RBFOX1: variants seen among roughly 807,000 people sequenced by gnomAD.
RBFOX1 encodes the protein RNA binding protein fox-1 homolog 1.
RBFOX1 carries 8 observed loss-of-function variants against 57.7 expected under a neutral mutation model. The observed-to-expected ratio is 0.14, with a 90% CI of 0.08 to 0.25. The LOEUF is 0.25. Among genes scored for constraint, RBFOX1 ranks in the 10% least tolerant of loss-of-function variants. The probability of loss-of-function intolerance (pLI) is 1.00; values close to 1 mark genes in which losing one functional copy is unlikely to be tolerated. For missense variants in RBFOX1, 611 were observed against 548.5 expected (o/e 1.11, Z -1.14); for synonymous variants, 326 against 222.4 (o/e 1.47, Z -4.15).
chr16:5,554,038 C>A (rs1449765800), intron 2 of RBFOX1, among the ~76,000 whole-genome samples: 2 of 150,332 alleles, frequency 1.3e-5, no homozygotes, highest in African/African-American at 4.9e-5. Flanking sequence ...GGCGTGATCT[C>A]AGCTCACTGC....
intron 1 of RBFOX1, among the ~76,000 whole-genome samples, chr16:5,263,966 T>C (rs1285803138): frequency 1.3e-5 from 2 of 152,178 alleles, no homozygotes; most frequent in African/African-American, 2.4e-5. Flanking sequence ...TCAGCAGCCC[T>C]TGGGCAGTTG....
chr16:6,053,788 T>C (rs2095581585), intron 1 of RBFOX1, among the ~76,000 whole-genome samples: 1 of 152,186 alleles, frequency 6.6e-6, no homozygotes, highest in Non-Finnish European at 1.5e-5. Flanking sequence ...CACAGTGGCC[T>C]GCCCCATACC....
Position 7,665,022 on chromosome 16 carries a change from T to C in RBFOX1, c.930+54T>C. The C allele has an allele frequency of 2.5e-6, 4 of 1,613,802 alleles. No individual in the cohort carries two copies. In the South Asian group the frequency reaches 4.4e-5, roughly 18 times the overall value. ...CCCGTTTCCTCCTGGAGTCATTCTT[T>C]TTACAAGTTTGCTGTGAATTTCTCT... On this transcript the variant is annotated intron_variant, in intron 13 of 15. Transcript: ENST00000550418.
chr16:5,532,243 T>C lies in RBFOX1; in HGVS notation c.258+64989T>C, dbSNP rs555154947. Among the ~76,000 whole-genome samples, 110 of 152,340 alleles carry C rather than the reference T, an allele frequency of 7.2e-4. 1 individual carries two copies. Among genetic ancestry groups the C allele is most frequent in the African/African-American group, 2.6e-3 (108 of 41,584 alleles). On this transcript the variant is annotated intron_variant, in intron 2 of 2. Transcript: ENST00000585867. ...GCACCCAGGGCCTCTATCCATTATC[T>C]TCCAGTAACAGCCTCTTCCTCTAGT... is the stretch of plus-strand genomic sequence containing the variant.
intron 3 of RBFOX1, among the ~76,000 whole-genome samples, chr16:5,739,683 C>G (rs1209224456): frequency 6.6e-6 from 1 of 152,182 alleles, no homozygotes; most frequent in Non-Finnish European, 1.5e-5. Context: ...AAGCTTCAAA[C>G]TTAGAATTCT....
At chr16:6,602,546 G>T (rs1476259471) in intron 2 of RBFOX1, among the ~76,000 whole-genome samples, 6 of 152,064 alleles carry the variant, frequency 3.9e-5, no homozygotes, top group African/African-American at 1.2e-4. Context: ...TTACAGAAAG[G>T]CCACCTGCAG....
intron 3 of RBFOX1, among the ~76,000 whole-genome samples, chr16:6,670,474 T>A (rs2098757254): frequency 6.6e-6 from 1 of 152,208 alleles, no homozygotes; most frequent in Admixed American, 6.5e-5. Flanking sequence ...ATGACTGGAA[T>A]GTTTTCATAA....
At chr16:6,759,088 T>G (rs2076221774) in intron 3 of RBFOX1, among the ~76,000 whole-genome samples, 1 of 152,158 alleles carries the variant, frequency 6.6e-6, no homozygotes, top group Admixed American at 6.5e-5. Context: ...AAGATTATAT[T>G]CTACTGAAAA....
chr16:7,181,091 T>C (rs2082604769), intron 4 of RBFOX1, among the ~76,000 whole-genome samples: 1 of 152,222 alleles, frequency 6.6e-6, no homozygotes, highest in Admixed American at 6.5e-5. Flanking sequence ...ACTGACCCCC[T>C]GCTATCAAGG....
intron 3 of RBFOX1, among the ~76,000 whole-genome samples, chr16:6,857,533 C>G (rs2058128580): frequency 6.6e-6 from 1 of 152,104 alleles, no homozygotes; most frequent in Non-Finnish European, 1.5e-5. Context: ...CTATTTGGTC[C>G]TTTTTTTATT....
intron 4 of RBFOX1, among the ~76,000 whole-genome samples, chr16:5,879,776 C>T (rs1430197028): frequency 6.6e-6 from 1 of 152,218 alleles, no homozygotes; most frequent in Non-Finnish European, 1.5e-5. Context: ...CTCTATCCAT[C>T]TGTTGACCTC....
intron 1 of RBFOX1, among the ~76,000 whole-genome samples, chr16:6,161,349 A>G (rs533432983): frequency 1.3e-5 from 2 of 151,328 alleles, no homozygotes; most frequent in East Asian, 2.0e-4. Flanking sequence ...AGATTGTGCC[A>G]CTGCACTCCA....
intron 4 of RBFOX1, among the ~76,000 whole-genome samples, chr16:5,982,989 C>T (rs1249210015): frequency 6.6e-6 from 1 of 152,212 alleles, no homozygotes; most frequent in Non-Finnish European, 1.5e-5. Flanking sequence ...TCCCTCTCTG[C>T]CTCAGTTTCC....
chr16:5,306,039 C>G (rs543397073), intron 1 of RBFOX1, among the ~76,000 whole-genome samples: 1 of 151,962 alleles, frequency 6.6e-6, no homozygotes, highest in Admixed American at 6.6e-5. Flanking sequence ...CAAAATTAGA[C>G]ACATACACAA....
chr16:7,032,486 A>T (rs1313865528), intron 3 of RBFOX1, among the ~76,000 whole-genome samples: 1 of 152,046 alleles, frequency 6.6e-6, no homozygotes, highest in South Asian at 2.1e-4. Flanking sequence ...ATCCCATCTT[A>T]ATTTTTTAAA....
intron 2 of RBFOX1, among the ~76,000 whole-genome samples, chr16:5,516,803 C>T (rs981892008): frequency 3.3e-5 from 5 of 152,112 alleles, no homozygotes; most frequent in African/African-American, 1.2e-4. Flanking sequence ...TTTTGCTCGG[C>T]ACTCATTCTT....
At chr16:5,723,964 A>T (rs540624239) in intron 3 of RBFOX1, among the ~76,000 whole-genome samples, 11 of 152,294 alleles carry the variant, frequency 7.2e-5, no homozygotes, top group African/African-American at 2.6e-4. Context: ...GCTTTGAAAA[A>T]TGTTTTGGAG....
At chr16:5,834,655 C>T (rs2056393925) in intron 3 of RBFOX1, among the ~76,000 whole-genome samples, 1 of 149,662 alleles carries the variant, frequency 6.7e-6, no homozygotes, top group African/African-American at 2.5e-5. Flanking sequence ...GGTAGTTAAC[C>T]AGTAGTGGGA....
intron 3 of RBFOX1, among the ~76,000 whole-genome samples, chr16:7,025,797 T>G (rs2040733852): frequency 1.3e-5 from 2 of 152,072 alleles, no homozygotes; most frequent in African/African-American, 4.8e-5. Context: ...CAGATGGCGC[T>G]GCAGGGATTC....
Sources: gnomAD v4.1 joint callset for allele counts (sites outside exome capture counted in the v4.1 genomes callset) on GRCh38, gnomAD v4.1.1 for gene constraint, MANE v1.5 for transcripts, NCBI Gene and HGNC (gene_info 2026-07-23, HGNC 2026-07-21) for gene names.